The following TTC4 variants were observed in gnomAD, a reference collection of about 807,000 sequenced individuals.
The protein encoded by TTC4 is hsp70/Hsp90 co-chaperone CNS1 homolog.
In TTC4, 36 loss-of-function variants were observed where a neutral mutation model predicts 51.9. The observed-to-expected ratio is 0.69, with a 90% confidence interval of 0.53 to 0.92. The LOEUF (loss-of-function observed/expected upper bound fraction) is 0.92, where lower values mean the gene tolerates loss of function less well. TTC4 is among the 40% of genes least tolerant of loss of function. TTC4 has a pLI of 0.00. For synonymous variants in TTC4, 144 were observed against 164.2 expected, an observed-to-expected ratio of 0.88 and a Z score of 0.94; for missense variants, 399 against 454.6, an observed-to-expected ratio of 0.88 and a Z score of 1.11.
chr1:54,724,917 T>A (rs1432418478), intron 5 of TTC4, among the ~76,000 whole-genome samples: 1 of 152,190 alleles, frequency 6.6e-6, no homozygotes, highest in Non-Finnish European at 1.5e-5. Flanking sequence ...ATCTGGAGCA[T>A]GTTTATTCAA....
intron 3 of TTC4, among the ~76,000 whole-genome samples, chr1:54,719,748 G>T (rs1279847845): frequency 6.6e-6 from 1 of 151,872 alleles, no homozygotes; most frequent in Non-Finnish European, 1.5e-5. Context: ...CTGTTTTTTG[G>T]TTTTTATAAA....
At chr1:54,741,177 T>A (rs1432718115) in intron 9 of TTC4, among the ~76,000 whole-genome samples, 1 of 152,238 alleles carries the variant, frequency 6.6e-6, no homozygotes, top group Non-Finnish European at 1.5e-5. Flanking sequence ...ATTTCATATT[T>A]AGCCACAGAC....
chr1:54,728,074 G>A (rs1645823034), intron 5 of TTC4, among the ~76,000 whole-genome samples: 1 of 152,164 alleles, frequency 6.6e-6, no homozygotes, highest in Non-Finnish European at 1.5e-5. Context: ...CTGTTATACT[G>A]GCTCTTTACT....
rs1270019996 is a variant in TTC4 at position 54,741,574 on chromosome 1, G to T, written c.*61G>T. On this transcript the variant is annotated 3_prime_UTR_variant, in exon 10 of 10. Transcript: ENST00000371281. The stretch of plus-strand genomic sequence containing the variant: ...CCTCTGCTGGGAACCTAGCACACCT[G>T]AATCAGCTGGACATACTGCTGGAGT... 7.5e-7 allele frequency: 1 copy of T among 1,341,134 alleles called. No individual in the cohort carries two copies. The highest frequency in any genetic ancestry group is 1.4e-5 in the African/African-American group (1 of 69,468). 83.1% of individuals were successfully genotyped at this position (1,341,134 alleles called of 1,614,324 possible).
chr1:54,715,945 G>A lies in TTC4; in HGVS notation c.37G>A (p.Val13Ile), dbSNP rs777570658. Residue 13 changes from valine to isoleucine, a missense_variant, in exon 1 of 10, where the codon GTC (valine) becomes ATC (isoleucine). By Grantham distance (29) the Val-to-Ile change is conservative (BLOSUM62 3). Coordinates refer to ENST00000371281, the MANE Select transcript of TTC4 (RefSeq NM_004623.5). Reference protein sequence around the residue: ...QPGQDPTSDDVMDSFLEKFQS... With the variant: ...QPGQDPTSDDIMDSFLEKFQS... ...TGGGCAGGATCCCACCTCAGACGAC[G>A]TCATGGACTCGTTCCTGGAAAAGTT... is the stretch of plus-strand genomic sequence containing the variant. The A allele has an allele frequency of 1.2e-6, 2 of 1,607,736 alleles. No homozygotes were observed. Among genetic ancestry groups the A allele is most frequent in the East Asian group, 2.2e-5 (1 of 44,566 alleles).
rs780637518 is a variant in TTC4, at chr1:54,728,354, AC to A, written c.604del (p.Gln202ArgfsTer4). 1 of 1,612,482 alleles carries A rather than the reference AC, an allele frequency of 6.2e-7. No individual in the cohort carries two copies. The highest frequency in any genetic ancestry group is 1.3e-5 in the African/African-American group (1 of 74,842). The stretch of plus-strand genomic sequence containing the variant: ...CTAAATTTCATTTTTAGCGAATTGA[AC>A]AGAGGGATGTGAGGAAAGCCAACTT... Reference protein sequence around the residue: ...AKADKLKRIEQRDVRKANLKE... With the variant: ...AKADKLKRIEXRDVRKANLKE... On this transcript the variant is annotated frameshift_variant, in exon 6 of 10. Transcript: ENST00000371281. LOFTEE classifies it high-confidence loss of function.
chr1:54,738,958 G>A (rs1645980560), intron 9 of TTC4, among the ~76,000 whole-genome samples: 1 of 151,884 alleles, frequency 6.6e-6, no homozygotes, highest in African/African-American at 2.4e-5. Context: ...ACTGCACCCG[G>A]CCAGCCTTCC....
At chr1:54,722,563 A>C in intron 4 of TTC4, 112 bp from the exon 5 acceptor site, 1 of 1,485,116 alleles carries the variant, frequency 6.7e-7, no homozygotes, top group East Asian at 2.3e-5. Flanking sequence ...ATTATCCTCC[A>C]TTTTGCCTTC....
chr1:54,740,974 G>A (rs111263965), intron 9 of TTC4, among the ~76,000 whole-genome samples: 2,931 of 152,078 alleles, frequency 0.019, 45 homozygotes, highest in South Asian at 0.072. Context: ...ATAATGCTGC[G>A]CCTCACAAAT....
chr1:54,724,052 C>T (rs889877839), intron 5 of TTC4, among the ~76,000 whole-genome samples: 5 of 152,052 alleles, frequency 3.3e-5, no homozygotes, highest in African/African-American at 7.2e-5. Context: ...GGGACAGTCA[C>T]AATTAAAGGG....
rs75963208 is a variant in TTC4, at chr1:54,739,625, C to T, written c.1062-1786C>T. ...TTCCTGGACTATAAGGGAAAGCCCT[C>T]AGCAGATTTGCAAATTGACTCTTGG... On this transcript the variant is annotated intron_variant, in intron 9 of 9. Transcript: ENST00000371281. Among the ~76,000 whole-genome samples, 1,797 of 152,366 alleles carry T rather than the reference C, an allele frequency of 0.012. 97 individuals are homozygous for T. In the East Asian group the frequency reaches 0.14, roughly 12 times the overall value.
chr1:54,729,788 A>G (rs1359457440), intron 6 of TTC4, among the ~76,000 whole-genome samples: 5 of 151,734 alleles, frequency 3.3e-5, no homozygotes, highest in South Asian at 2.1e-4. Context: ...CAGTGGTGCA[A>G]TCTCGGCTCA....
Position 54,721,180 on chromosome 1 carries a change from C to A in TTC4, c.409C>A (p.Leu137Ile). The A allele has an allele frequency of 6.2e-6, 10 of 1,613,502 alleles. No homozygotes were observed. Among genetic ancestry groups the A allele is most frequent in the Non-Finnish European group, 8.5e-6 (10 of 1,179,586 alleles). ...QYYLGNFRSALNDVTAARKLK... is the reference protein window; with the variant it reads ...QYYLGNFRSAINDVTAARKLK... Reference sequence around the variant, plus strand: ...TTTGTTAGGCAATTTTCGTTCTGCTCTCAATGATGTGACAGCTGCCAGAAA... The same window carrying A: ...TTTGTTAGGCAATTTTCGTTCTGCTATCAATGATGTGACAGCTGCCAGAAA... Residue 137 changes from leucine to isoleucine, a missense_variant, in exon 4 of 10, where the codon CTC becomes ATC. This residue lies in a region of TTC4 where 316 missense variants were observed against 349.6 expected (regional missense o/e 0.90). Coordinates refer to ENST00000371281, the MANE Select transcript of TTC4 (RefSeq NM_004623.5).
chr1:54,716,152 T>C lies in TTC4; in HGVS notation c.111+133T>C, dbSNP rs996968289. 94 of 754,228 alleles carry C rather than the reference T, an allele frequency of 1.2e-4. 2 individuals are homozygous for C. In the East Asian group the frequency reaches 2.4e-3, roughly 19 times the overall value. 46.7% of individuals were successfully genotyped at this position (754,228 alleles called of 1,614,324 possible). ...CCGATCGCTGGTTTCTAGTTGAGTA[T>C]TGAAAATCGGCCTCGAGGTTTTGAG... On this transcript the variant is annotated intron_variant, in intron 1 of 9. Transcript: ENST00000371281.
chr1:54,720,078 T>A (rs887895088), intron 3 of TTC4, among the ~76,000 whole-genome samples: 2 of 152,038 alleles, frequency 1.3e-5, no homozygotes, highest in African/African-American at 4.8e-5. Flanking sequence ...TTTAAAAAAT[T>A]TTTTGTAGAG....
intron 8 of TTC4, among the ~76,000 whole-genome samples, chr1:54,734,292 G>A (rs113339469): frequency 3.0e-4 from 46 of 152,212 alleles, no homozygotes; most frequent in African/African-American, 1.0e-3. Context: ...GGCTGGTCTC[G>A]AACTCCTGAC....
intron 2 of TTC4, among the ~76,000 whole-genome samples, chr1:54,717,001 C>T (rs955718315): frequency 1.3e-4 from 20 of 152,132 alleles, no homozygotes; most frequent in African/African-American, 4.8e-4. Context: ...GTGTATACTA[C>T]AGCTGTAGTG....
chr1:54,726,965 C>T (rs1329415394), intron 5 of TTC4, among the ~76,000 whole-genome samples: 1 of 151,674 alleles, frequency 6.6e-6, no homozygotes, highest in Non-Finnish European at 1.5e-5. Context: ...TATCAAAAGT[C>T]CAATTGGCTT....
chr1:54,722,129 A>T (rs1051038492), intron 4 of TTC4, among the ~76,000 whole-genome samples: 100 of 147,074 alleles, frequency 6.8e-4, no homozygotes, highest in African/African-American at 2.2e-3. Flanking sequence ...ATAACATGAA[A>T]TTTTTTTTTT....
Sources: allele counts gnomAD v4.1 joint callset (sites outside exome capture counted in the v4.1 genomes callset), GRCh38; gene constraint gnomAD v4.1.1; regional missense constraint gnomAD v4.1.1; transcripts MANE v1.5; gene names NCBI Gene and HGNC (gene_info 2026-07-23, HGNC 2026-07-21).